The following COL10A1 variants were observed in gnomAD, a reference collection of about 807,000 sequenced individuals.
The protein encoded by COL10A1 is collagen alpha-1(X) chain.
A neutral mutation model predicts 18.2 loss-of-function variants in COL10A1; 10 were observed. The observed-to-expected ratio is 0.55, with a 90% CI of 0.34 to 0.93. The LOEUF is 0.93. COL10A1 is among the 40% of genes least tolerant of loss of function. The pLI, the probability that COL10A1 is intolerant of heterozygous loss-of-function variation, is 0.02. For synonymous variants in COL10A1, 330 were observed against 316.6 expected, an observed-to-expected ratio of 1.04 and a Z score of -0.45; for missense variants, 897 against 853.5, an observed-to-expected ratio of 1.05 and a Z score of -0.64.
chr6:116,121,373 G>A lies in COL10A1; in HGVS notation c.743C>T (p.Pro248Leu), dbSNP rs761080885. ...GFPGEMGPIG[P>L]PGPQGPPGER... The stretch of plus-strand genomic sequence containing the variant: ...CCCAGGAGGGCCTTGGGGACCTGGT[G>A]GGCCAATTGGTCCCATTTCTCCCGG... The change falls in exon 3 of 3, where the codon CCA becomes CTA. Residue 248 changes from proline (P) to leucine (L), a missense_variant. Transcript: ENST00000651968. The A allele has an allele frequency of 6.2e-7, 1 of 1,614,070 alleles. No individual in the cohort carries two copies. The highest frequency in any genetic ancestry group is 1.3e-5 in the African/African-American group (1 of 75,028).
the COL10A1 span, among the ~76,000 whole-genome samples, chr6:116,168,087 T>C: frequency 4.6e-5 from 7 of 150,760 alleles, no homozygotes. Context: ...TGGTGTCTTT[T>C]TTTTTTTTTT....
At chr6:116,182,610 T>C in the COL10A1 span, among the ~76,000 whole-genome samples, 1 of 152,108 alleles carries the variant, frequency 6.6e-6, no homozygotes, top group Non-Finnish European at 1.5e-5. Context: ...ACATTATGGT[T>C]TTGGTTTGCA....
upstream of COL10A1, among the ~76,000 whole-genome samples, chr6:116,163,135 A>ATATATATATATAT (rs1554197048): frequency 1.0e-5 from 1 of 98,546 alleles, no homozygotes; most frequent in Non-Finnish European, 2.0e-5. Context: ...TCAAAAAAAA[A>ATATATATATATAT]AAAAAAATAT....
chr6:116,161,718 T>G (rs965632562), upstream of COL10A1, among the ~76,000 whole-genome samples: 4 of 152,222 alleles, frequency 2.6e-5, no homozygotes, highest in African/African-American at 7.2e-5. Flanking sequence ...TAGGCTCTTA[T>G]GGGTTCCATA....
chr6:116,135,232 A>T (rs890183011), intron 1 of COL10A1, among the ~76,000 whole-genome samples: 1 of 152,168 alleles, frequency 6.6e-6, no homozygotes, highest in Non-Finnish European at 1.5e-5. Context: ...AAGGGGGAAG[A>T]TGTTATTATT....
chr6:116,193,935 G>A, the COL10A1 span, among the ~76,000 whole-genome samples: 1 of 151,914 alleles, frequency 6.6e-6, no homozygotes, highest in Admixed American at 6.6e-5. Context: ...GTGGTGGCAT[G>A]TATCTGTGGT....
intron 1 of COL10A1, among the ~76,000 whole-genome samples, chr6:116,135,847 A>ATGTATATATATATATATGTG (rs1459782766): frequency 4.3e-5 from 5 of 116,426 alleles, no homozygotes; most frequent in African/African-American, 2.2e-4. Flanking sequence ...ATATATATAT[A>ATGTATATATATATATATGTG]TATATATATA....
At chr6:116,167,206 ATTTTT>A in the COL10A1 span, among the ~76,000 whole-genome samples, 6 of 87,814 alleles carry the variant, frequency 6.8e-5, no homozygotes, top group African/African-American at 2.0e-4. Flanking sequence ...CAAATAGAAG[ATTTTT>A]TTTTTTTTTT....
the COL10A1 span, among the ~76,000 whole-genome samples, chr6:116,193,591 T>C: frequency 1.3e-5 from 2 of 152,082 alleles, no homozygotes; most frequent in East Asian, 1.9e-4. Flanking sequence ...AAGTCACTAA[T>C]ATACACAGAA....
chr6:116,190,936 C>T, the COL10A1 span, among the ~76,000 whole-genome samples: 1 of 151,874 alleles, frequency 6.6e-6, no homozygotes. Flanking sequence ...ACAAGGAAAT[C>T]CTGGTATTCC....
the COL10A1 span, among the ~76,000 whole-genome samples, chr6:116,174,854 C>T: frequency 6.6e-6 from 1 of 152,094 alleles, no homozygotes; most frequent in South Asian, 2.1e-4. Flanking sequence ...TAATAGTTCC[C>T]TACAAACACT....
chr6:116,205,917 C>A, the COL10A1 span, among the ~76,000 whole-genome samples: 2 of 151,864 alleles, frequency 1.3e-5, no homozygotes, highest in Non-Finnish European at 2.9e-5. Flanking sequence ...ATTTTCATAT[C>A]TGCACAATGA....
upstream of COL10A1, among the ~76,000 whole-genome samples, chr6:116,130,553 G>T (rs2114328349): frequency 6.6e-6 from 1 of 152,188 alleles, no homozygotes; most frequent in Admixed American, 6.5e-5. Flanking sequence ...GTGGGAAATA[G>T]AAACCACAGT....
chr6:116,148,002 G>C (rs910393490), intron 1 of COL10A1, among the ~76,000 whole-genome samples: 6 of 151,738 alleles, frequency 4.0e-5, no homozygotes, highest in East Asian at 1.9e-4. Flanking sequence ...AAAAAGGTGG[G>C]GGGGGTTGGA....
chr6:116,132,009 T>G (rs888181244), intron 1 of COL10A1, among the ~76,000 whole-genome samples: 1 of 152,222 alleles, frequency 6.6e-6, no homozygotes, highest in African/African-American at 2.4e-5. Context: ...ATTATCTTAT[T>G]GTTTTTTATG....
intron 1 of COL10A1, among the ~76,000 whole-genome samples, chr6:116,140,281 C>T (rs540297294): frequency 1.3e-5 from 2 of 152,252 alleles, no homozygotes; most frequent in East Asian, 1.9e-4. Flanking sequence ...AGCTGAAATG[C>T]CGTGGTAGCA....
At chr6:116,169,005 G>GGC in the COL10A1 span, among the ~76,000 whole-genome samples, 1 of 152,166 alleles carries the variant, frequency 6.6e-6, no homozygotes, top group Non-Finnish European at 1.5e-5. Context: ...ACCCTGGAGA[G>GGC]TTTATTAGCC....
the COL10A1 span, among the ~76,000 whole-genome samples, chr6:116,179,348 C>T: frequency 6.6e-6 from 1 of 152,176 alleles, no homozygotes; most frequent in Admixed American, 6.5e-5. Context: ...TTAATACTTT[C>T]TTCAGAGAAT....
At chr6:116,154,292 T>C (rs1009252007) in intron 1 of COL10A1, among the ~76,000 whole-genome samples, 4 of 152,194 alleles carry the variant, frequency 2.6e-5, no homozygotes, top group South Asian at 4.1e-4. Flanking sequence ...GGAGTAGGTT[T>C]CGTCTAGCTT....
Sources: gnomAD v4.1 joint callset for allele counts (sites outside exome capture counted in the v4.1 genomes callset) on GRCh38, gnomAD v4.1.1 for gene constraint, MANE v1.5 for transcripts, NCBI Gene and HGNC (gene_info 2026-07-23, HGNC 2026-07-21) for gene names.